Variants in THSD7B observed in about 807,000 individuals in gnomAD.
THSD7B encodes thrombospondin type-1 domain-containing protein 7B.
A neutral mutation model predicts 213.6 loss-of-function variants in THSD7B; 138 were observed. That is an observed-to-expected ratio of 0.65 (90% CI 0.56 to 0.74). The LOEUF is 0.74. Among genes scored for constraint, THSD7B ranks in the 30% least tolerant of loss-of-function variants. The probability of loss-of-function intolerance (pLI) is 0.00; values close to 1 mark genes in which losing one functional copy is unlikely to be tolerated. For missense variants in THSD7B, 1,931 were observed against 1,991.5 expected (o/e 0.97, Z 0.58); for synonymous variants, 742 against 687.0 (o/e 1.08, Z -1.25).
At chr2:137,230,916 A>G (rs998322229) in intron 7 of THSD7B, 128 bp from the exon 8 acceptor site, 16 of 889,504 alleles carry the variant, frequency 1.8e-5, no homozygotes, top group Middle Eastern at 3.6e-4. Flanking sequence ...GTTTTTTCTG[A>G]TGTAAATATT....
intron 15 of THSD7B, among the ~76,000 whole-genome samples, chr2:137,472,873 C>T (rs765733612): frequency 2.0e-5 from 3 of 152,016 alleles, no homozygotes; most frequent in South Asian, 4.1e-4. Context: ...TTTCTGACAT[C>T]GTATATTGGT....
intron 2 of THSD7B, among the ~76,000 whole-genome samples, chr2:136,902,656 A>G (rs191155000): frequency 2.6e-5 from 4 of 152,216 alleles, no homozygotes; most frequent in Admixed American, 6.5e-5. Flanking sequence ...CAATCTAAAC[A>G]GTAGAAAGTC....
intron 7 of THSD7B, among the ~76,000 whole-genome samples, chr2:137,224,317 T>C (rs973035514): frequency 3.9e-5 from 6 of 152,186 alleles, no homozygotes; most frequent in African/African-American, 1.2e-4. Flanking sequence ...TGAGAGAGAA[T>C]AGAACGCTTG....
chr2:137,174,014 C>T (rs931689669), intron 7 of THSD7B, among the ~76,000 whole-genome samples: 1 of 152,150 alleles, frequency 6.6e-6, no homozygotes, highest in African/African-American at 2.4e-5. Flanking sequence ...GCTTCATAGA[C>T]ACTTTCTTTC....
intron 2 of THSD7B, among the ~76,000 whole-genome samples, chr2:136,916,413 T>C (rs1053497389): frequency 2.1e-4 from 32 of 152,176 alleles, no homozygotes; most frequent in African/African-American, 7.7e-4. Context: ...GGCAGACGGT[T>C]AGTGTGCATT....
At chr2:137,166,871 G>T (rs138657539) in intron 6 of THSD7B, among the ~76,000 whole-genome samples, 1 of 152,110 alleles carries the variant, frequency 6.6e-6, no homozygotes, top group Admixed American at 6.5e-5. Flanking sequence ...TGGGGTGGGT[G>T]GGGCGTTCTG....
In THSD7B at chr2:136,927,538, G is replaced by T. The variant is rs548629624; in HGVS notation, c.139+45221G>T. Among the ~76,000 whole-genome samples the T allele has an allele frequency of 1.2e-4, 18 of 152,318 alleles. No individual in the cohort carries two copies. In the South Asian group the frequency reaches 3.5e-3, roughly 30 times the overall value. ...CTTCAGGGATGAACCATTGTTCAAT[G>T]TTGAACAGATAAGGTCACCTATGTA... is the stretch of plus-strand genomic sequence containing the variant. On this transcript the variant is annotated intron_variant, in intron 2 of 27. Transcript: ENST00000409968.
intron 14 of THSD7B, among the ~76,000 whole-genome samples, chr2:137,416,094 G>A (rs1227303333): frequency 2.0e-5 from 3 of 152,046 alleles, no homozygotes; most frequent in Non-Finnish European, 4.4e-5. Flanking sequence ...CTGAATCATC[G>A]GGTTGTGGTA....
intron 15 of THSD7B, among the ~76,000 whole-genome samples, chr2:137,456,907 C>T (rs182207879): frequency 1.8e-3 from 272 of 152,204 alleles, no homozygotes; most frequent in Middle Eastern, 6.8e-3. Flanking sequence ...CATAAAATGC[C>T]TTATATAAGC....
intron 7 of THSD7B, among the ~76,000 whole-genome samples, chr2:137,220,076 C>CT (rs1262209409): frequency 6.6e-6 from 1 of 152,070 alleles, no homozygotes; most frequent in Non-Finnish European, 1.5e-5. Context: ...TTTCAACTCT[C>CT]TTTTTTTGTG....
At chr2:137,517,878 C>T (rs1680102829) in intron 15 of THSD7B, among the ~76,000 whole-genome samples, 1 of 152,200 alleles carries the variant, frequency 6.6e-6, no homozygotes, top group African/African-American at 2.4e-5. Context: ...AGCTCTTGGC[C>T]TGTTACTGGG....
chr2:136,880,942 T>C (rs1683611295), intron 1 of THSD7B, among the ~76,000 whole-genome samples: 1 of 152,174 alleles, frequency 6.6e-6, no homozygotes, highest in Non-Finnish European at 1.5e-5. Context: ...CATTCACAGC[T>C]CTTTACAATT....
chr2:137,594,154 C>T (rs1320886104), intron 17 of THSD7B, among the ~76,000 whole-genome samples: 1 of 151,976 alleles, frequency 6.6e-6, no homozygotes, highest in Non-Finnish European at 1.5e-5. Flanking sequence ...TTGAAAGACT[C>T]TCTGGAGTAG....
At chr2:136,953,715 C>T (rs763148635) in intron 2 of THSD7B, among the ~76,000 whole-genome samples, 3 of 152,098 alleles carry the variant, frequency 2.0e-5, no homozygotes, top group Non-Finnish European at 4.4e-5. Context: ...TCTTAAAACC[C>T]ATGTAAACCC....
chr2:137,266,161 G>A (rs1682585643), intron 10 of THSD7B, among the ~76,000 whole-genome samples: 1 of 152,094 alleles, frequency 6.6e-6, no homozygotes, highest in South Asian at 2.1e-4. Context: ...GAACTGACGT[G>A]CTAGAGAAAA....
intron 25 of THSD7B, among the ~76,000 whole-genome samples, chr2:137,661,534 G>T (rs940455971): frequency 6.6e-6 from 1 of 151,922 alleles, no homozygotes; most frequent in Non-Finnish European, 1.5e-5. Flanking sequence ...AATCCATACA[G>T]GTCTGCGGCA....
chr2:137,197,559 A>G (rs369320402), intron 7 of THSD7B, among the ~76,000 whole-genome samples: 1 of 152,106 alleles, frequency 6.6e-6, no homozygotes, highest in African/African-American at 2.4e-5. Flanking sequence ...AGAAATTAGG[A>G]CCCTGTGAAA....
At chr2:136,825,665 C>A (rs888473596) in intron 1 of THSD7B, among the ~76,000 whole-genome samples, 3 of 150,912 alleles carry the variant, frequency 2.0e-5, no homozygotes, top group African/African-American at 7.3e-5. Context: ...CATTCTCCTG[C>A]CTCAGCCTCC....
chr2:137,094,636 A>T (rs1449894130), intron 3 of THSD7B, among the ~76,000 whole-genome samples: 1 of 152,090 alleles, frequency 6.6e-6, no homozygotes, highest in African/African-American at 2.4e-5. Context: ...AAGTGGACCC[A>T]TCTTAGATGT....
Sources: gnomAD v4.1 joint callset for allele counts (sites outside exome capture counted in the v4.1 genomes callset) on GRCh38, gnomAD v4.1.1 for gene constraint, MANE v1.5 for transcripts, NCBI Gene and HGNC (gene_info 2026-07-23, HGNC 2026-07-21) for gene names.